The following SGCD variants were observed in gnomAD, a reference collection of about 807,000 sequenced individuals.
SGCD encodes the protein sarcoglycan delta.
A neutral mutation model predicts 36.6 loss-of-function variants in SGCD; 18 were observed. The ratio of observed to expected loss-of-function variants is 0.49; its 90% CI spans 0.34 to 0.73. The LOEUF is 0.73. Ranked by LOEUF, SGCD falls within the 30% of genes least tolerant of loss-of-function variation. The pLI is 0.01. For synonymous variants in SGCD, 133 were observed against 130.6 expected (o/e 1.02, Z -0.12); for missense variants, 387 against 346.7 (o/e 1.12, Z -0.92).
At chr5:156,210,182 G>A (rs62380749) in intron 3 of SGCD, among the ~76,000 whole-genome samples, 33,998 of 151,904 alleles carry the variant, frequency 0.22, 4,418 homozygotes, top group East Asian at 0.62. Context: ...CCCATCTGCC[G>A]ACCCAGGCAA....
At chr5:155,816,239 A>G in the SGCD span, among the ~76,000 whole-genome samples, 1 of 152,200 alleles carries the variant, frequency 6.6e-6, no homozygotes, top group Non-Finnish European at 1.5e-5. Context: ...ACAAATGACC[A>G]TCCTCATATA....
At chr5:156,441,613 C>T (rs1753494575) in intron 3 of SGCD, among the ~76,000 whole-genome samples, 1 of 152,164 alleles carries the variant, frequency 6.6e-6, no homozygotes, top group African/African-American at 2.4e-5. Context: ...GATGATTGCA[C>T]AGATAAACCT....
intron 3 of SGCD, among the ~76,000 whole-genome samples, chr5:156,367,907 A>G (rs1167716027): frequency 1.3e-5 from 2 of 152,212 alleles, no homozygotes; most frequent in Non-Finnish European, 2.9e-5. Flanking sequence ...ACCTTCAGCA[A>G]TGTTGTGAAA....
chr5:156,055,969 TTA>T (rs1286913922), intron 1 of SGCD, among the ~76,000 whole-genome samples: 4 of 146,158 alleles, frequency 2.7e-5, no homozygotes, highest in African/African-American at 9.9e-5. Flanking sequence ...TGTGTTAGAA[TTA>T]TATATATATT....
chr5:156,282,017 C>T (rs1028172591), intron 3 of SGCD, among the ~76,000 whole-genome samples: 2 of 151,286 alleles, frequency 1.3e-5, no homozygotes, highest in Non-Finnish European at 2.9e-5. Context: ...GGGGACAGAG[C>T]GAGACTCCAT....
chr5:156,391,550 C>A lies in SGCD; in HGVS notation c.192+46873C>A, dbSNP rs529685505. Among the ~76,000 whole-genome samples the A allele has an allele frequency of 2.4e-4, 37 of 152,308 alleles. No homozygotes were observed. The South Asian group carries it at 7.0e-3, about 29-fold the overall frequency. Reference sequence around the variant, plus strand: ...TTTTTACTTGTCATTATTCCCTAAACAATACAGTGTAATAACTGTTTACAA... The same window carrying A: ...TTTTTACTTGTCATTATTCCCTAAAAAATACAGTGTAATAACTGTTTACAA... On this transcript the variant is annotated intron_variant, in intron 3 of 8. Transcript: ENST00000337851.
chr5:156,641,440 A>T (rs1309760620), intron 6 of SGCD, among the ~76,000 whole-genome samples: 2 of 152,246 alleles, frequency 1.3e-5, no homozygotes, highest in Non-Finnish European at 2.9e-5. Flanking sequence ...CACAGAAGAT[A>T]GTGTTCATTA....
intron 7 of SGCD, among the ~76,000 whole-genome samples, chr5:156,657,650 C>T (rs1315534026): frequency 6.6e-6 from 1 of 152,012 alleles, no homozygotes; most frequent in Non-Finnish European, 1.5e-5. Flanking sequence ...GTAATCCCAG[C>T]TAGTTGGGAG....
intron 1 of SGCD, among the ~76,000 whole-genome samples, chr5:155,875,030 T>C (rs911433836): frequency 1.3e-5 from 2 of 152,038 alleles, no homozygotes; most frequent in Admixed American, 1.3e-4. Context: ...AACAGATGAA[T>C]GGATAAACAA....
intron 3 of SGCD, among the ~76,000 whole-genome samples, chr5:156,173,032 A>G (rs1276955241): frequency 6.6e-6 from 1 of 152,108 alleles, no homozygotes; most frequent in African/African-American, 2.4e-5. Context: ...GATTAACATA[A>G]ATTTTTGTCC....
Position 156,759,395 on chromosome 5 carries a change from C to T in SGCD, c.*5C>T. ...AACACAAGTGTCTGCCTCTGAAAGA[C>T]TATCCATAGTGGACATTGTTGGCAG... is the stretch of plus-strand genomic sequence containing the variant. On this transcript the variant is annotated 3_prime_UTR_variant, in exon 9 of 9. Transcript: ENST00000337851. 6.2e-7 allele frequency: 1 copy of T among 1,600,890 alleles called. No individual in the cohort carries two copies. Among genetic ancestry groups the T allele is most frequent in the Non-Finnish European group, 8.5e-7 (1 of 1,170,618 alleles).
intron 3 of SGCD, among the ~76,000 whole-genome samples, chr5:156,421,834 A>C (rs185209066): frequency 6.6e-6 from 1 of 152,174 alleles, no homozygotes; most frequent in East Asian, 1.9e-4. Flanking sequence ...TTTAGGGATA[A>C]GTCCTAATAC....
At chr5:156,284,550 A>G (rs1017512632) in intron 3 of SGCD, among the ~76,000 whole-genome samples, 1 of 152,194 alleles carries the variant, frequency 6.6e-6, no homozygotes, top group Non-Finnish European at 1.5e-5. Flanking sequence ...TCCAGCATAT[A>G]AACAGAACCA....
chr5:155,784,640 CTT>C, the SGCD span, among the ~76,000 whole-genome samples: 1 of 134,566 alleles, frequency 7.4e-6, no homozygotes, highest in Non-Finnish European at 1.6e-5. Context: ...GTAAGAGCTC[CTT>C]TTTTTTTTTT....
chr5:156,604,310 A>C (rs11953051), intron 6 of SGCD, among the ~76,000 whole-genome samples: 48,205 of 151,618 alleles, frequency 0.32, 8,547 homozygotes, highest in African/African-American at 0.49. Context: ...TTGTAGGCAG[A>C]ATATAATGGG....
At chr5:156,275,381 A>G (rs1161135747) in intron 3 of SGCD, among the ~76,000 whole-genome samples, 2 of 152,214 alleles carry the variant, frequency 1.3e-5, no homozygotes, top group Non-Finnish European at 2.9e-5. Flanking sequence ...CAGTGTACAT[A>G]CTATCTTAGT....
intron 3 of SGCD, among the ~76,000 whole-genome samples, chr5:156,211,605 C>T (rs1764445412): frequency 7.5e-6 from 1 of 133,678 alleles, no homozygotes; most frequent in Non-Finnish European, 1.6e-5. Flanking sequence ...GAGACTCAGA[C>T]TCAAAAAAAA....
chr5:156,283,934 T>C (rs1766525625), intron 3 of SGCD, among the ~76,000 whole-genome samples: 2 of 152,176 alleles, frequency 1.3e-5, no homozygotes, highest in Non-Finnish European at 2.9e-5. Context: ...AGGGAATAGA[T>C]TGCTAAATTA....
At chr5:155,730,621 G>A in the SGCD span, among the ~76,000 whole-genome samples, 1 of 152,142 alleles carries the variant, frequency 6.6e-6, no homozygotes, top group Non-Finnish European at 1.5e-5. Context: ...TGCTTTCCCA[G>A]CACACACTTG....
Sources: gnomAD v4.1 joint callset for allele counts (sites outside exome capture counted in the v4.1 genomes callset) on GRCh38, gnomAD v4.1.1 for gene constraint, MANE v1.5 for transcripts, NCBI Gene and HGNC (gene_info 2026-07-23, HGNC 2026-07-21) for gene names.